C1orf21: variants seen among roughly 807,000 people sequenced by gnomAD.
The protein encoded by C1orf21 is chromosome 1 open reading frame 21, also known as uncharacterized protein C1orf21.
Under a neutral mutation model 18.7 loss-of-function variants are expected in C1orf21, and 3 were observed. That is an observed-to-expected ratio of 0.16 (90% confidence interval 0.07 to 0.42). The LOEUF is 0.42. C1orf21 is among the 10% of genes least tolerant of loss of function. The pLI, the probability that C1orf21 is intolerant of heterozygous loss-of-function variation, is 0.99. For missense variants in C1orf21, 104 were observed against 143.6 expected, an observed-to-expected ratio of 0.72 and a Z score of 1.41; for synonymous variants, 41 against 46.4, an observed-to-expected ratio of 0.88 and a Z score of 0.47.
intron 1 of C1orf21, among the ~76,000 whole-genome samples, chr1:184,420,420 G>A (rs2101966359): frequency 6.6e-6 from 1 of 152,246 alleles, no homozygotes; most frequent in East Asian, 1.9e-4. Context: ...GTTCTGGTTA[G>A]CTATAAAGTT....
intron 3 of C1orf21, among the ~76,000 whole-genome samples, chr1:184,576,526 A>T (rs1282871777): frequency 6.6e-6 from 1 of 152,118 alleles, no homozygotes; most frequent in African/African-American, 2.4e-5. Flanking sequence ...CTCTGTCCTC[A>T]TTGGCACTGC....
chr1:184,598,084 C>CT (rs1195613377), intron 4 of C1orf21, among the ~76,000 whole-genome samples: 2 of 150,682 alleles, frequency 1.3e-5, no homozygotes, highest in East Asian at 1.9e-4. Context: ...CTTGCTCATG[C>CT]TTTTTTTTTA....
At chr1:184,530,358 G>A (rs1002598921) in intron 3 of C1orf21, among the ~76,000 whole-genome samples, 1 of 152,046 alleles carries the variant, frequency 6.6e-6, no homozygotes, top group Non-Finnish European at 1.5e-5. Context: ...ATTAAGAATG[G>A]TGCCTGCTGC....
At chr1:184,605,130 G>A (rs1342489712) in intron 5 of C1orf21, among the ~76,000 whole-genome samples, 1 of 152,172 alleles carries the variant, frequency 6.6e-6, no homozygotes. Flanking sequence ...ATGTTGGTGT[G>A]TCTCATTCCC....
intron 1 of C1orf21, among the ~76,000 whole-genome samples, chr1:184,445,343 C>CCTCTCT (rs57710614): frequency 0.016 from 2,168 of 134,844 alleles, 37 homozygotes; most frequent in African/African-American, 0.03. Flanking sequence ...TTTTTTCAGA[C>CCTCTCT]CTCTCTCTCT....
rs1464462096 is a variant in C1orf21 at position 184,540,862 on chromosome 1, C to T, written c.189+33180C>T. Among the ~76,000 whole-genome samples, 3 of 152,162 alleles carry T rather than the reference C, an allele frequency of 2.0e-5. No individual in the cohort carries two copies. In the East Asian group the frequency reaches 5.8e-4, roughly 29 times the overall value. On this transcript the variant is annotated intron_variant, in intron 3 of 5. Coordinates refer to ENST00000235307, the MANE Select transcript of C1orf21 (RefSeq NM_030806.4). ...GTATTGCCACAAATAGCGTAAATGC[C>T]ATCATACCAGTTTTTTCTCCAAATG...
intron 4 of C1orf21, among the ~76,000 whole-genome samples, chr1:184,596,761 C>T (rs1659519818): frequency 6.6e-6 from 1 of 151,822 alleles, no homozygotes; most frequent in Non-Finnish European, 1.5e-5. Context: ...GTCCCAACTA[C>T]TCGGGAGGCT....
At chr1:184,402,616 C>CAA (rs57016276) in intron 1 of C1orf21, among the ~76,000 whole-genome samples, 2,714 of 118,310 alleles carry the variant, frequency 0.023, 103 homozygotes, top group African/African-American at 0.069. Context: ...GACCCTGTCT[C>CAA]AAAAAAAAAA....
chr1:184,569,633 A>T (rs1216662482), intron 3 of C1orf21, among the ~76,000 whole-genome samples: 1 of 152,176 alleles, frequency 6.6e-6, no homozygotes, highest in Non-Finnish European at 1.5e-5. Flanking sequence ...AAGGATGGAG[A>T]ATCACCTGAG....
chr1:184,417,921 C>T (rs1181437325), intron 1 of C1orf21, among the ~76,000 whole-genome samples: 1 of 152,174 alleles, frequency 6.6e-6, no homozygotes, highest in African/African-American at 2.4e-5. Context: ...TGTGTGGGGG[C>T]AGCAGAACTC....
intron 3 of C1orf21, among the ~76,000 whole-genome samples, chr1:184,558,507 G>A (rs1000997856): frequency 6.6e-6 from 1 of 152,156 alleles, no homozygotes; most frequent in African/African-American, 2.4e-5. Flanking sequence ...AAGCATCTAG[G>A]AATCTTTAGA....
At chr1:184,619,438 G>A in intron 5 of C1orf21, 80 bp from the exon 6 acceptor site, 1 of 1,480,298 alleles carries the variant, frequency 6.8e-7, no homozygotes, top group Non-Finnish European at 9.4e-7. Flanking sequence ...TATATTGAGA[G>A]AAAATTGATT....
chr1:184,476,919 A>T (rs1271440141), intron 1 of C1orf21, among the ~76,000 whole-genome samples: 1 of 152,080 alleles, frequency 6.6e-6, no homozygotes, highest in Non-Finnish European at 1.5e-5. Context: ...TTCCTGGCAA[A>T]ATTTGAGGAG....
chr1:184,489,729 G>C (rs1396447078), intron 2 of C1orf21, among the ~76,000 whole-genome samples: 1 of 152,198 alleles, frequency 6.6e-6, no homozygotes, highest in African/African-American at 2.4e-5. Context: ...AGTGAAATTA[G>C]TAAAGGGATT....
At position 184,624,562 on chromosome 1, in the gene C1orf21, T is replaced by C. The variant is rs1470451435; in HGVS notation, c.*5006T>C. 6.6e-6 allele frequency: 1 copy of C among 152,170 alleles called. No homozygotes were observed. Among genetic ancestry groups the C allele is most frequent in the Non-Finnish European group, 1.5e-5 (1 of 68,020 alleles). The allele number at this position is 152,170 out of a possible 1,614,324, so 9.4% of individuals were successfully genotyped here. A position where few individuals can be genotyped will look rare whatever the true frequency, so the allele number is the denominator to read the frequency against. On this transcript the variant is annotated 3_prime_UTR_variant, in exon 6 of 6. Transcript: ENST00000235307. ...TTCATGGGGGTCTGGGACAATCCGA[T>C]CTCCAAGCATGGAGGAAAGGCAATG...
intron 5 of C1orf21, among the ~76,000 whole-genome samples, chr1:184,612,999 G>A (rs1266474501): frequency 6.6e-6 from 1 of 151,580 alleles, no homozygotes; most frequent in Non-Finnish European, 1.5e-5. Context: ...CACCCAGTCT[G>A]GTGTGCAGTG....
At chr1:184,602,118 C>T (rs1394802004) in intron 5 of C1orf21, among the ~76,000 whole-genome samples, 1 of 152,140 alleles carries the variant, frequency 6.6e-6, no homozygotes, top group African/African-American at 2.4e-5. Flanking sequence ...CCCATCACCA[C>T]CACCACCATC....
At chr1:184,511,534 A>C (rs1225038606) in intron 3 of C1orf21, among the ~76,000 whole-genome samples, 1 of 152,232 alleles carries the variant, frequency 6.6e-6, no homozygotes, top group Non-Finnish European at 1.5e-5. Flanking sequence ...GAGACATGTC[A>C]GGTGTTCAGA....
At chr1:184,403,366 G>A (rs1002340459) in intron 1 of C1orf21, among the ~76,000 whole-genome samples, 1 of 152,172 alleles carries the variant, frequency 6.6e-6, no homozygotes, top group Non-Finnish European at 1.5e-5. Flanking sequence ...TTTATGTAAA[G>A]TTCAAAAACG....
Sources: allele counts gnomAD v4.1 joint callset (sites outside exome capture counted in the v4.1 genomes callset), GRCh38; gene constraint gnomAD v4.1.1; transcripts MANE v1.5; gene names NCBI Gene and HGNC (gene_info 2026-07-23, HGNC 2026-07-21).